The following CRACD variants were observed in gnomAD, a reference collection of about 807,000 sequenced individuals.
CRACD encodes capping protein inhibiting regulator of actin dynamics, also known as capping protein-inhibiting regulator of actin dynamics.
A neutral mutation model predicts 106.8 loss-of-function variants in CRACD; 56 were observed. The observed-to-expected ratio is 0.52, with a 90% CI of 0.42 to 0.66. The LOEUF (loss-of-function observed/expected upper bound fraction) is 0.66. Among genes scored for constraint, CRACD ranks in the 30% least tolerant of loss-of-function variants. The pLI is 0.00. For synonymous variants in CRACD, 754 were observed against 670.8 expected, an observed-to-expected ratio of 1.12 and a Z score of -1.92; for missense variants, 1,730 against 1,623.2, an observed-to-expected ratio of 1.07 and a Z score of -1.13.
At chr4:56,119,217 A>G (rs955465257) in intron 1 of CRACD, among the ~76,000 whole-genome samples, 1 of 152,246 alleles carries the variant, frequency 6.6e-6, no homozygotes, top group Non-Finnish European at 1.5e-5. Context: ...TACTCTGGAC[A>G]AAAGAAGTGA....
intron 3 of CRACD, among the ~76,000 whole-genome samples, chr4:56,288,080 A>G (rs1273042131): frequency 6.6e-6 from 1 of 152,170 alleles, no homozygotes; most frequent in Non-Finnish European, 1.5e-5. Context: ...TGTTCTGTGC[A>G]TCAGGTACCA....
At position 56,061,873 on chromosome 4, in the gene CRACD, T is replaced by C. The variant is rs149230821; in HGVS notation, c.-336+12574T>C. Among the ~76,000 whole-genome samples the C allele has an allele frequency of 4.3e-3, 659 of 152,338 alleles. 5 individuals are homozygous for C. Among genetic ancestry groups the C allele is most frequent in the African/African-American group, 0.015 (617 of 41,574 alleles). Reference sequence around the variant, plus strand: ...AGTGAAAAGCTATGGGAATTCAGTCTCTTCAGCATTGATTAAAATCAGTTT... The same window carrying C: ...AGTGAAAAGCTATGGGAATTCAGTCCCTTCAGCATTGATTAAAATCAGTTT... On this transcript the variant is annotated intron_variant, in intron 1 of 10. Transcript: ENST00000682029.
At chr4:56,082,286 A>G (rs1733060364) in intron 1 of CRACD, among the ~76,000 whole-genome samples, 1 of 152,238 alleles carries the variant, frequency 6.6e-6, no homozygotes, top group Admixed American at 6.5e-5. Flanking sequence ...GGAGCTTGAC[A>G]TGTTTGTGGA....
chr4:56,238,837 C>G (rs1004327459), intron 2 of CRACD, among the ~76,000 whole-genome samples: 1 of 152,018 alleles, frequency 6.6e-6, no homozygotes, highest in African/African-American at 2.4e-5. Flanking sequence ...TGTGTACTGG[C>G]CATTTTGATT....
At chr4:56,114,375 A>G (rs1490347978) in intron 1 of CRACD, among the ~76,000 whole-genome samples, 1 of 152,012 alleles carries the variant, frequency 6.6e-6, no homozygotes, top group Non-Finnish European at 1.5e-5. Flanking sequence ...GCCCCTTTAA[A>G]AAAAACTTTC....
intron 2 of CRACD, among the ~76,000 whole-genome samples, chr4:56,183,235 A>AAAAATAAAATAAAT (rs1736920057): frequency 8.0e-6 from 1 of 124,394 alleles, no homozygotes; most frequent in African/African-American, 3.2e-5. Context: ...CTCCGTCTCA[A>AAAAATAAAATAAAT]AAAATAAAAT....
At chr4:56,308,500 A>C (rs1193278643) in intron 5 of CRACD, among the ~76,000 whole-genome samples, 1 of 152,162 alleles carries the variant, frequency 6.6e-6, no homozygotes, top group Non-Finnish European at 1.5e-5. Flanking sequence ...AACAAAAAAA[A>C]AACCCATTCT....
chr4:56,077,172 T>C (rs1351868732), intron 1 of CRACD, among the ~76,000 whole-genome samples: 1 of 152,238 alleles, frequency 6.6e-6, no homozygotes, highest in Admixed American at 6.5e-5. Context: ...CAGTTCCGCA[T>C]GGCTGGAGAG....
chr4:56,313,178 ATT>A lies in CRACD; in HGVS notation c.355-16_355-15del, dbSNP rs747468887. The A allele has an allele frequency of 3.1e-6, 5 of 1,602,920 alleles. No homozygotes were observed. Among genetic ancestry groups the A allele is most frequent in the Non-Finnish European group, 3.4e-6 (4 of 1,171,766 alleles). ...GTCTTCTGATCCCAACTGACTTTCT[ATT>A]TTAATCTCCCCTACAGGTTGCTCCC... On this transcript the variant is annotated splice_polypyrimidine_tract_variant and intron_variant, in intron 6 of 10. Transcript: ENST00000682029.
chr4:56,151,090 G>A (rs7668198), intron 1 of CRACD, among the ~76,000 whole-genome samples: 64,570 of 152,024 alleles, frequency 0.42, 14,360 homozygotes, highest in African/African-American at 0.56. Flanking sequence ...TCTGCCTCCC[G>A]GGTTCCAGCA....
intron 2 of CRACD, among the ~76,000 whole-genome samples, chr4:56,258,981 T>C (rs1741533100): frequency 2.0e-5 from 3 of 152,172 alleles, no homozygotes; most frequent in South Asian, 4.1e-4. Flanking sequence ...TCAGGATTCA[T>C]GGGTCTGTAA....
In CRACD at chr4:56,150,738, A is replaced by G. The variant is rs568263257; in HGVS notation, c.-335-28546A>G. On this transcript the variant is annotated intron_variant, in intron 1 of 10. Coordinates refer to ENST00000682029, the MANE Select transcript of CRACD (RefSeq NM_001393381.1). ...CTGTAATTCATTCATTTGCATTACTATATGGTAGTCCACTACATAAACAAT... is the reference window on the plus strand; with the variant it reads ...CTGTAATTCATTCATTTGCATTACTGTATGGTAGTCCACTACATAAACAAT... Among the ~76,000 whole-genome samples the G allele has an allele frequency of 2.4e-4, 37 of 152,354 alleles. 1 individual carries two copies. The South Asian group carries it at 7.0e-3, about 29-fold the overall frequency.
intron 2 of CRACD, among the ~76,000 whole-genome samples, chr4:56,253,421 T>C (rs1280495151): frequency 6.6e-6 from 1 of 152,202 alleles, no homozygotes; most frequent in Non-Finnish European, 1.5e-5. Flanking sequence ...AGTCACCTCA[T>C]TTTGCAGATG....
chr4:56,303,751 G>C (rs1744504911), intron 4 of CRACD, among the ~76,000 whole-genome samples: 1 of 152,222 alleles, frequency 6.6e-6, no homozygotes, highest in African/African-American at 2.4e-5. Context: ...TGAGGACTGA[G>C]CACCATGCGT....
chr4:56,256,773 G>A (rs1741381247), intron 2 of CRACD, among the ~76,000 whole-genome samples: 1 of 152,172 alleles, frequency 6.6e-6, no homozygotes, highest in Non-Finnish European at 1.5e-5. Flanking sequence ...TCTGTGGAAT[G>A]TAAACCAAAA....
Position 56,329,583 on chromosome 4 carries a change from A to G in CRACD, c.*1779A>G, listed in dbSNP as rs1394583658. Among the ~76,000 whole-genome samples the G allele has an allele frequency of 6.6e-6, 1 of 152,216 alleles. No homozygotes were observed. The highest frequency in any genetic ancestry group is 1.5e-5 in the Non-Finnish European group (1 of 68,030). ...TGGACCTTCAGACTGTTAAAAATCAATGTAACCTTTTTTTATTGCTATGGC... is the reference window on the plus strand; with the variant it reads ...TGGACCTTCAGACTGTTAAAAATCAGTGTAACCTTTTTTTATTGCTATGGC... On this transcript the variant is annotated 3_prime_UTR_variant, in exon 11 of 11. Coordinates refer to ENST00000682029, the MANE Select transcript of CRACD (RefSeq NM_001393381.1).
chr4:56,201,309 T>C (rs1737868607), intron 2 of CRACD, among the ~76,000 whole-genome samples: 1 of 152,242 alleles, frequency 6.6e-6, no homozygotes. Context: ...ACTTGAACTT[T>C]CCAGAGCACT....
At chr4:56,061,849 G>A (rs539877307) in intron 1 of CRACD, among the ~76,000 whole-genome samples, 1 of 152,294 alleles carries the variant, frequency 6.6e-6, no homozygotes, top group South Asian at 2.1e-4. Context: ...GTCTAATTAA[G>A]TGAAAAGCTA....
intron 3 of CRACD, among the ~76,000 whole-genome samples, chr4:56,285,029 C>G (rs642808): frequency 0.95 from 144,618 of 152,280 alleles, 68,771 homozygotes; most frequent in Middle Eastern, 0.97. Context: ...TTAACAGGAA[C>G]CATGGTTGGG....
Sources: gnomAD v4.1 joint callset for allele counts (sites outside exome capture counted in the v4.1 genomes callset) on GRCh38, gnomAD v4.1.1 for gene constraint, MANE v1.5 for transcripts, NCBI Gene and HGNC (gene_info 2026-07-23, HGNC 2026-07-21) for gene names.